Variants in ABHD2 observed in about 807,000 individuals in gnomAD.
ABHD2 encodes monoacylglycerol lipase ABHD2.
Under a neutral mutation model 48.1 loss-of-function variants are expected in ABHD2, and 20 were observed. The observed-to-expected ratio is 0.42, with a 90% CI of 0.29 to 0.60. The LOEUF is 0.60. Among genes scored for constraint, ABHD2 ranks in the 20% least tolerant of loss-of-function variants. The pLI is 0.24. For missense variants in ABHD2, 405 were observed against 550.9 expected (o/e 0.74, Z 2.65); for synonymous variants, 209 against 214.2 (o/e 0.98, Z 0.21).
Position 89,116,999 on chromosome 15 carries a change from A to T in ABHD2, c.194+478A>T, listed in dbSNP as rs1176085977. 6.6e-6 allele frequency among the ~76,000 whole-genome samples: 1 copy of T among 152,178 alleles called. No individual in the cohort carries two copies. Among genetic ancestry groups the T allele is most frequent in the African/African-American group, 2.4e-5 (1 of 41,444 alleles). ...GCACTTAAAGAGAGTGCTTTGTATG[A>T]GTGAACCAGGTTTCCCTATAGAAGC... is the stretch of plus-strand genomic sequence containing the variant. On this transcript the variant is annotated intron_variant, in intron 3 of 10. Coordinates refer to ENST00000352732, the MANE Select transcript of ABHD2 (RefSeq NM_152924.5). This position sits in a 1 kb window ranked among gnomAD's most constrained non-coding sequence, Gnocchi z 4.6.
chr15:89,127,061 G>A (rs553302465), intron 3 of ABHD2, among the ~76,000 whole-genome samples: 3 of 152,280 alleles, frequency 2.0e-5, no homozygotes, highest in Admixed American at 1.3e-4. Context: ...CCCCATGACT[G>A]TCAGTAGTCA....
rs2049916271 is a variant in ABHD2, at chr15:89,114,012, T to G, written c.-7+188T>G. Among the ~76,000 whole-genome samples, 1 of 152,224 alleles carries G rather than the reference T, an allele frequency of 6.6e-6. No homozygotes were observed. Among genetic ancestry groups the G allele is most frequent in the African/African-American group, 2.4e-5 (1 of 41,442 alleles). On this transcript the variant is annotated intron_variant, in intron 2 of 10. Transcript: ENST00000352732. The surrounding 1 kb of genome is among the most constrained non-coding windows in gnomAD (Gnocchi z 4.2). ...TCCAACAAAGGTGATGAGGAAGAAC[T>G]TCTAGTTCAGTTCTGTATTACCAGC...
chr15:89,050,371 G>A, the ABHD2 span, among the ~76,000 whole-genome samples: 1 of 152,188 alleles, frequency 6.6e-6, no homozygotes, highest in Non-Finnish European at 1.5e-5. Flanking sequence ...ATGAAGAAAT[G>A]CTTTGCACAC....
upstream of ABHD2, among the ~76,000 whole-genome samples, chr15:89,086,878 G>T (rs537022958): frequency 1.3e-5 from 2 of 152,194 alleles, no homozygotes; most frequent in South Asian, 4.2e-4. Flanking sequence ...TGAAGCCTGG[G>T]TTTTTCTTTT....
At chr15:89,118,438 C>G (rs540754461) in intron 3 of ABHD2, among the ~76,000 whole-genome samples, 1 of 152,246 alleles carries the variant, frequency 6.6e-6, no homozygotes, top group East Asian at 1.9e-4. Context: ...CTCAAAAGTG[C>G]TGGGATTACA....
intron 5 of ABHD2, among the ~76,000 whole-genome samples, chr15:89,158,004 G>A (rs2050702134): frequency 6.6e-6 from 1 of 152,002 alleles, no homozygotes; most frequent in African/African-American, 2.4e-5. Flanking sequence ...GTAATGTCCT[G>A]TGCTTGGATA....
In ABHD2 at chr15:89,092,436, A is replaced by G. The variant is rs1455486584; in HGVS notation, c.-107+3873A>G. ...CAAATTAGTTTGGTTTGTTGCTTAAAAACTATTTTGTTTTAAAATTGTTTT... is the reference window on the plus strand; with the variant it reads ...CAAATTAGTTTGGTTTGTTGCTTAAGAACTATTTTGTTTTAAAATTGTTTT... On this transcript the variant is annotated intron_variant, in intron 1 of 10. Transcript: ENST00000352732. The surrounding 1 kb of genome is among the most constrained non-coding windows in gnomAD (Gnocchi z 4.4). Among the ~76,000 whole-genome samples, 1 of 152,268 alleles carries G rather than the reference A, an allele frequency of 6.6e-6. No homozygotes were observed. Among genetic ancestry groups the G allele is most frequent in the African/African-American group, 2.4e-5 (1 of 41,464 alleles).
intron 5 of ABHD2, among the ~76,000 whole-genome samples, chr15:89,157,437 C>T (rs573572692): frequency 6.6e-6 from 1 of 152,250 alleles, no homozygotes; most frequent in East Asian, 1.9e-4. Flanking sequence ...TTGTGCCAAG[C>T]AGGGTGTTGG....
chr15:89,139,829 C>G (rs976721991), intron 3 of ABHD2, among the ~76,000 whole-genome samples: 2 of 152,138 alleles, frequency 1.3e-5, no homozygotes, highest in Admixed American at 6.5e-5. Context: ...TCTCTGGAAA[C>G]TGAGGAAACA....
At chr15:89,194,857 A>G (rs2051369635) in intron 10 of ABHD2, among the ~76,000 whole-genome samples, 1 of 151,464 alleles carries the variant, frequency 6.6e-6, no homozygotes, top group African/African-American at 2.4e-5. Flanking sequence ...CCCTTCCCTC[A>G]CTCCTCTCCC....
upstream of ABHD2, among the ~76,000 whole-genome samples, chr15:89,085,965 CTG>C (rs151275406): frequency 0.011 from 1,620 of 152,290 alleles, 36 homozygotes; most frequent in African/African-American, 0.037. The surrounding 1 kb of genome is among the most constrained non-coding windows in gnomAD (Gnocchi z 4.2). Context: ...AACCAGAAAA[CTG>C]TGGATCAGAA....
chr15:89,051,273 G>T, the ABHD2 span, among the ~76,000 whole-genome samples: 3 of 152,138 alleles, frequency 2.0e-5, no homozygotes, highest in East Asian at 5.8e-4. Context: ...CTGTTTCAGA[G>T]CCTGGCACAT....
Position 89,182,939 on chromosome 15 carries a change from A to G in ABHD2, c.723-2485A>G, listed in dbSNP as rs998568659. On this transcript the variant is annotated intron_variant, in intron 6 of 10. Coordinates refer to ENST00000352732, the MANE Select transcript of ABHD2 (RefSeq NM_152924.5). The surrounding 1 kb of genome is among the most constrained non-coding windows in gnomAD (Gnocchi z 4.8). ...TGTAGCCACTACCAGCTCCAATAACATGAATTCATACCCCCATCTTGTTTC... is the reference window on the plus strand; with the variant it reads ...TGTAGCCACTACCAGCTCCAATAACGTGAATTCATACCCCCATCTTGTTTC... Among the ~76,000 whole-genome samples the G allele has an allele frequency of 6.6e-6, 1 of 152,166 alleles. No homozygotes were observed. The highest frequency in any genetic ancestry group is 1.5e-5 in the Non-Finnish European group (1 of 68,020).
In ABHD2 at chr15:89,120,541, G is replaced by T. The variant is rs761154665; in HGVS notation, c.194+4020G>T. 6.6e-6 allele frequency among the ~76,000 whole-genome samples: 1 copy of T among 151,990 alleles called. No homozygotes were observed. Among genetic ancestry groups the T allele is most frequent in the South Asian group, 2.1e-4 (1 of 4,824 alleles). ...GTTGCCTAGGCTGGAGTACAGTGGC[G>T]CAATCTCAAATCTCGGTTCACTGCA... On this transcript the variant is annotated intron_variant, in intron 3 of 10. Coordinates refer to ENST00000352732, the MANE Select transcript of ABHD2 (RefSeq NM_152924.5). The surrounding 1 kb of genome is among the most constrained non-coding windows in gnomAD (Gnocchi z 4.2).
the ABHD2 span, among the ~76,000 whole-genome samples, chr15:89,071,967 C>A: frequency 6.6e-6 from 1 of 152,192 alleles, no homozygotes; most frequent in African/African-American, 2.4e-5. Flanking sequence ...GAAGACTATT[C>A]TGGTTTTAAC....
chr15:89,103,448 A>G (rs1173386493), intron 1 of ABHD2, among the ~76,000 whole-genome samples: 1 of 152,202 alleles, frequency 6.6e-6, no homozygotes, highest in East Asian at 1.9e-4. Flanking sequence ...AATCTTCATA[A>G]TGTTTAGATA....
chr15:89,183,381 AAAAATAT>A lies in ABHD2; in HGVS notation c.723-2041_723-2035del, dbSNP rs1449788735. 20 of 72,728 alleles carry A rather than the reference AAAAATAT, an allele frequency of 2.7e-4. No individual in the cohort carries two copies. In the East Asian group the frequency reaches 4.0e-3, roughly 15 times the overall value. The allele number at this position is 72,728 out of a possible 1,614,324, so 4.5% of individuals were successfully genotyped here. A position where few individuals can be genotyped will look rare whatever the true frequency, so the allele number is the denominator to read the frequency against. On this transcript the variant is annotated intron_variant, in intron 6 of 10. Transcript: ENST00000352732. ...ATCAGTCCTTTTCAAAAAAAAAAAA[AAAAATAT>A]ATATATATATATATATATATATATA...
chr15:89,188,435 A>G lies in ABHD2; in HGVS notation c.926+132A>G. On this transcript the variant is annotated intron_variant, in intron 8 of 10. Transcript: ENST00000352732. The surrounding 1 kb of genome is among the most constrained non-coding windows in gnomAD (Gnocchi z 4.1). ...TAAGGGTGTTTTTTTCCCTTTAAGT[A>G]AGTGTCTAGTGCTTAAAAACAGAAG... 3.0e-6 allele frequency: 2 copies of G among 664,360 alleles called. No homozygotes were observed. Among genetic ancestry groups the G allele is most frequent in the Non-Finnish European group, 5.1e-6 (2 of 391,926 alleles). The allele number at this position is 664,360 out of a possible 1,614,324, so 41.2% of individuals were successfully genotyped here. A position where few individuals can be genotyped will look rare whatever the true frequency, so the allele number is the denominator to read the frequency against.
At chr15:89,143,540 G>A (rs1428707093) in intron 3 of ABHD2, among the ~76,000 whole-genome samples, 1 of 152,146 alleles carries the variant, frequency 6.6e-6, no homozygotes, top group Non-Finnish European at 1.5e-5. Context: ...AGTGGTGCAT[G>A]CCTGTAATCC....
Sources: gnomAD v4.1 joint callset for allele counts (sites outside exome capture counted in the v4.1 genomes callset) on GRCh38, gnomAD v4.1.1 for gene constraint, Gnocchi (gnomAD v3.1) non-coding constraint, MANE v1.5 for transcripts, NCBI Gene and HGNC (gene_info 2026-07-23, HGNC 2026-07-21) for gene names.